Variants in SNTG1 observed in about 807,000 individuals in gnomAD.
SNTG1 encodes the protein syntrophin gamma 1, also known as gamma-1-syntrophin.
In SNTG1, 39 loss-of-function variants were observed where a neutral mutation model predicts 74.7. The observed-to-expected ratio is 0.52, with a 90% CI of 0.40 to 0.68. SNTG1 has a LOEUF of 0.68. Ranked by LOEUF, SNTG1 falls within the 30% of genes least tolerant of loss-of-function variation. The probability of loss-of-function intolerance (pLI) is 0.00; values close to 1 mark genes in which losing one functional copy is unlikely to be tolerated. For synonymous variants in SNTG1, 254 were observed against 217.1 expected, an observed-to-expected ratio of 1.17 and a Z score of -1.49; for missense variants, 685 against 609.5, an observed-to-expected ratio of 1.12 and a Z score of -1.30.
intron 2 of SNTG1, among the ~76,000 whole-genome samples, chr8:50,346,657 T>G (rs961850006): frequency 6.6e-6 from 1 of 152,220 alleles, no homozygotes; most frequent in African/African-American, 2.4e-5. Context: ...AAGTTGTGAA[T>G]GCAAAGAGAA....
intron 8 of SNTG1, among the ~76,000 whole-genome samples, chr8:50,452,166 A>T (rs1305834826): frequency 6.6e-6 from 1 of 152,188 alleles, no homozygotes; most frequent in East Asian, 1.9e-4. Context: ...AAGGTTTTTT[A>T]GTATTTGTCA....
At chr8:50,561,800 T>A (rs563392609) in intron 12 of SNTG1, among the ~76,000 whole-genome samples, 1 of 152,328 alleles carries the variant, frequency 6.6e-6, no homozygotes, top group Admixed American at 6.5e-5. Flanking sequence ...TATCACATTA[T>A]TCCATCATAC....
At chr8:50,740,870 T>A (rs1310213116) in intron 17 of SNTG1, among the ~76,000 whole-genome samples, 1 of 152,030 alleles carries the variant, frequency 6.6e-6, no homozygotes, top group African/African-American at 2.4e-5. Flanking sequence ...GCCATTATCT[T>A]TAGCAAACCA....
intron 10 of SNTG1, among the ~76,000 whole-genome samples, chr8:50,536,341 T>C (rs1374036179): frequency 6.6e-6 from 1 of 152,208 alleles, no homozygotes; most frequent in African/African-American, 2.4e-5. Context: ...TGGTTAATTA[T>C]AGTTACAGTT....
Position 50,794,503 on chromosome 8 carries a change from C to G in SNTG1, c.*1674C>G, listed in dbSNP as rs986080832. The stretch of plus-strand genomic sequence containing the variant: ...CAGTTTCAGTGTAATGTATTTTGAC[C>G]GTAAAACTAAGTACACATTTGTAAT... On this transcript the variant is annotated 3_prime_UTR_variant, in exon 19 of 19. Coordinates refer to ENST00000642720, the MANE Select transcript of SNTG1 (RefSeq NM_018967.5). 3.3e-5 allele frequency: 5 copies of G among 151,734 alleles called. No homozygotes were observed. The highest frequency in any genetic ancestry group is 1.2e-4 in the African/African-American group (5 of 41,332). 9.4% of individuals were successfully genotyped at this position (151,734 alleles called of 1,614,324 possible). A position where few individuals can be genotyped will look rare whatever the true frequency, so the allele number is the denominator to read the frequency against.
At chr8:50,777,630 C>T (rs2095644833) in intron 18 of SNTG1, among the ~76,000 whole-genome samples, 1 of 145,338 alleles carries the variant, frequency 6.9e-6, no homozygotes, top group Non-Finnish European at 1.5e-5. Flanking sequence ...TCACTGTTGG[C>T]ATCTTTTGAA....
Position 50,772,635 on chromosome 8 carries a change from T to G in SNTG1, c.1396-20036T>G, listed in dbSNP as rs116045630. On this transcript the variant is annotated intron_variant, in intron 18 of 18. Transcript: ENST00000642720. The stretch of plus-strand genomic sequence containing the variant: ...TTTAGCATTGTAAGAAGAACATGAG[T>G]TTTATGGGGGCAGAGGTGAAATGCT... Among the ~76,000 whole-genome samples, 272 of 151,970 alleles carry G rather than the reference T, an allele frequency of 1.8e-3. 1 individual carries two copies. The highest frequency in any genetic ancestry group is 6.4e-3 in the African/African-American group (265 of 41,462).
At chr8:50,519,217 C>G (rs1480497655) in intron 9 of SNTG1, among the ~76,000 whole-genome samples, 1 of 152,124 alleles carries the variant, frequency 6.6e-6, no homozygotes, top group African/African-American at 2.4e-5. Context: ...ATAATTATCT[C>G]AATAGATGCA....
At chr8:49,919,725 A>T (rs989364153) in intron 1 of SNTG1, among the ~76,000 whole-genome samples, 1 of 152,112 alleles carries the variant, frequency 6.6e-6, no homozygotes, top group Non-Finnish European at 1.5e-5. Context: ...TTATTCCAGA[A>T]CAGTTATTTT....
At chr8:50,617,570 C>A (rs1005018262) in intron 13 of SNTG1, among the ~76,000 whole-genome samples, 3 of 152,168 alleles carry the variant, frequency 2.0e-5, no homozygotes, top group Non-Finnish European at 4.4e-5. Context: ...ACTCCTCAGA[C>A]ACCAAGTTAA....
chr8:50,397,003 A>C (rs1050480105), intron 3 of SNTG1, among the ~76,000 whole-genome samples: 27 of 152,366 alleles, frequency 1.8e-4, no homozygotes, highest in African/African-American at 6.5e-4. Context: ...CCTTTTAGGC[A>C]ATTAGGAAGT....
intron 13 of SNTG1, among the ~76,000 whole-genome samples, chr8:50,610,027 G>A (rs772804704): frequency 4.6e-5 from 7 of 151,740 alleles, no homozygotes; most frequent in Admixed American, 1.3e-4. Context: ...TTTCTTCTTC[G>A]TTTTCTTGTT....
chr8:50,384,079 T>C (rs2131250116), intron 2 of SNTG1, among the ~76,000 whole-genome samples: 1 of 152,322 alleles, frequency 6.6e-6, no homozygotes, highest in South Asian at 2.1e-4. Context: ...TACCCTCATT[T>C]CCTAAACTCA....
Position 50,174,384 on chromosome 8 carries a change from C to T in SNTG1, c.-28+1749C>T, listed in dbSNP as rs574565151. ...GGGATTGCTGGGTCAAATGGTATTT[C>T]TGGTTCTAGATCCTTGAGGAATCAC... On this transcript the variant is annotated intron_variant, in intron 2 of 18. Coordinates refer to ENST00000642720, the MANE Select transcript of SNTG1 (RefSeq NM_018967.5). Among the ~76,000 whole-genome samples the T allele has an allele frequency of 3.9e-5, 6 of 152,296 alleles. No individual in the cohort carries two copies. In the South Asian group the frequency reaches 1.2e-3, roughly 32 times the overall value.
At chr8:50,062,847 T>A (rs914595950) in intron 1 of SNTG1, among the ~76,000 whole-genome samples, 1 of 152,234 alleles carries the variant, frequency 6.6e-6, no homozygotes, top group Non-Finnish European at 1.5e-5. Context: ...TTTCCATACA[T>A]AATATGTGCA....
intron 8 of SNTG1, among the ~76,000 whole-genome samples, chr8:50,501,798 G>T (rs534296940): frequency 6.6e-6 from 1 of 151,676 alleles, no homozygotes; most frequent in Non-Finnish European, 1.5e-5. Flanking sequence ...ATTCTAAATT[G>T]GTTTCAAGTA....
At chr8:50,781,144 T>C (rs1186469426) in intron 18 of SNTG1, among the ~76,000 whole-genome samples, 1 of 152,186 alleles carries the variant, frequency 6.6e-6, no homozygotes, top group Non-Finnish European at 1.5e-5. Flanking sequence ...AATTTAGGAA[T>C]AGGTGTTGTA....
intron 2 of SNTG1, among the ~76,000 whole-genome samples, chr8:50,353,168 C>T (rs545578037): frequency 1.5e-4 from 22 of 149,318 alleles, no homozygotes; most frequent in Admixed American, 6.8e-4. Context: ...AAAAACCAAA[C>T]GCCAGATGTT....
In SNTG1 at chr8:50,763,652, G is replaced by GTGTGTA. The variant is rs59070287; in HGVS notation, c.1395+11546_1395+11547insATGTGT. ...TTTGGCTCAAGATTGCCTTTATTGT[G>GTGTGTA]TGTGTGTGTGTGTGTGTGTGTGTGT... On this transcript the variant is annotated intron_variant, in intron 18 of 18. Transcript: ENST00000642720. Among the ~76,000 whole-genome samples, 634 of 71,802 alleles carry GTGTGTA rather than the reference G, an allele frequency of 8.8e-3. 3 individuals carry two copies. Among genetic ancestry groups the GTGTGTA allele is most frequent in the African/African-American group, 0.036 (592 of 16,592 alleles). 47.1% of individuals were successfully genotyped at this position (71,802 alleles called of 152,430 possible).
Sources: allele counts gnomAD v4.1 joint callset (sites outside exome capture counted in the v4.1 genomes callset), GRCh38; gene constraint gnomAD v4.1.1; transcripts MANE v1.5; gene names NCBI Gene and HGNC (gene_info 2026-07-23, HGNC 2026-07-21).